The following ZC3H12C variants were observed in gnomAD, a reference collection of about 807,000 sequenced individuals.
The protein encoded by ZC3H12C is probable ribonuclease ZC3H12C.
A neutral mutation model predicts 76.3 loss-of-function variants in ZC3H12C; 20 were observed. That is an observed-to-expected ratio of 0.26 (90% CI 0.18 to 0.38). The LOEUF (loss-of-function observed/expected upper bound fraction) is 0.38. ZC3H12C is among the 10% of genes least tolerant of loss of function. The pLI is 1.00. For missense variants in ZC3H12C, 874 were observed against 1,086.5 expected, an observed-to-expected ratio of 0.80 and a Z score of 2.75; for synonymous variants, 352 against 399.6, an observed-to-expected ratio of 0.88 and a Z score of 1.42.
intron 1 of ZC3H12C, among the ~76,000 whole-genome samples, chr11:110,105,852 T>C (rs1861313881): frequency 6.6e-6 from 1 of 152,228 alleles, no homozygotes; most frequent in Admixed American, 6.5e-5. Flanking sequence ...ATGATATTTA[T>C]TAAAATGTCA....
At chr11:110,133,962 A>T (rs17110811) in intron 1 of ZC3H12C, among the ~76,000 whole-genome samples, 2,833 of 152,242 alleles carry the variant, frequency 0.019, 50 homozygotes, top group East Asian at 0.1. Context: ...CACTAGTTGT[A>T]TTTTTCATAA....
chr11:110,137,429 C>T lies in ZC3H12C; in HGVS notation c.773+15C>T, dbSNP rs773378925. 5.8e-6 allele frequency: 9 copies of T among 1,563,466 alleles called. No homozygotes were observed. Among genetic ancestry groups the T allele is most frequent in the Non-Finnish European group, 6.9e-6 (8 of 1,159,808 alleles). ...GTGGCAATGAGGTAAGTGGAAAAATCGTTACTGAAAATTACTACCAAATAA... is the reference window on the plus strand; with the variant it reads ...GTGGCAATGAGGTAAGTGGAAAAATTGTTACTGAAAATTACTACCAAATAA... On this transcript the variant is annotated intron_variant, in intron 2 of 5. Transcript: ENST00000278590.
chr11:110,107,769 G>T (rs769654976), intron 1 of ZC3H12C, among the ~76,000 whole-genome samples: 4 of 151,988 alleles, frequency 2.6e-5, no homozygotes, highest in Non-Finnish European at 4.4e-5. Context: ...CAAGTGATCC[G>T]CCCACCTTGG....
intron 3 of ZC3H12C, among the ~76,000 whole-genome samples, chr11:110,157,818 A>C (rs1401045918): frequency 6.6e-6 from 1 of 152,008 alleles, no homozygotes; most frequent in Non-Finnish European, 1.5e-5. Context: ...GGCAGTTACA[A>C]CCCTTGCTTA....
At chr11:110,105,740 T>G (rs552888287) in intron 1 of ZC3H12C, among the ~76,000 whole-genome samples, 1 of 152,306 alleles carries the variant, frequency 6.6e-6, no homozygotes, top group South Asian at 2.1e-4. Flanking sequence ...TGCTTTTCAT[T>G]CAGTATATCA....
At position 110,164,217 on chromosome 11, in the gene ZC3H12C, G is replaced by C; in HGVS notation, c.1256-124G>C. On this transcript the variant is annotated intron_variant, in intron 5 of 5. Coordinates refer to ENST00000278590, the MANE Select transcript of ZC3H12C (RefSeq NM_033390.2). The surrounding 1 kb of genome is among the most constrained non-coding windows in gnomAD (Gnocchi z 5.7). ...ACGTTTCTCAAGAGTAAAGAACAGA[G>C]TGACACTTAGCACAGCTCCCATTTC... is the stretch of plus-strand genomic sequence containing the variant. 4.8e-6 allele frequency: 4 copies of C among 842,102 alleles called. No individual in the cohort carries two copies. The highest frequency in any genetic ancestry group is 7.2e-6 in the Non-Finnish European group (4 of 558,876). The allele number at this position is 842,102 out of a possible 1,614,324, so 52.2% of individuals were successfully genotyped here. A position where few individuals can be genotyped will look rare whatever the true frequency, so the allele number is the denominator to read the frequency against.
chr11:110,118,742 A>C (rs1026810517), intron 1 of ZC3H12C, among the ~76,000 whole-genome samples: 3 of 152,206 alleles, frequency 2.0e-5, no homozygotes, highest in African/African-American at 7.2e-5. Context: ...GTTTGCAGTG[A>C]GCCAGGATGG....
rs1382166970 is a variant in ZC3H12C, at chr11:110,159,688, G to T, written c.1148+198G>T. 7.9e-5 allele frequency among the ~76,000 whole-genome samples: 12 copies of T among 152,284 alleles called. No individual in the cohort carries two copies. In the South Asian group the frequency reaches 1.9e-3, roughly 24 times the overall value. On this transcript the variant is annotated intron_variant, in intron 4 of 5. Coordinates refer to ENST00000278590, the MANE Select transcript of ZC3H12C (RefSeq NM_033390.2). The stretch of plus-strand genomic sequence containing the variant: ...AGAGGAGGCCCGGTGTGAGTGGCAG[G>T]CCCCACCTTTCCCTGTAAGTCACTC...
intron 1 of ZC3H12C, among the ~76,000 whole-genome samples, chr11:110,122,184 G>C (rs1371715502): frequency 6.6e-6 from 1 of 152,194 alleles, no homozygotes; most frequent in Non-Finnish European, 1.5e-5. Context: ...GGATGTCAGA[G>C]AGCGTGGCAT....
intron 4 of ZC3H12C, 84 bp downstream of exon 4, chr11:110,159,574 T>C (rs1261007288): frequency 2.5e-6 from 3 of 1,200,870 alleles, no homozygotes; most frequent in Non-Finnish European, 3.5e-6. Context: ...ATTCTCTTTT[T>C]GCCACTGTCC....
intron 1 of ZC3H12C, among the ~76,000 whole-genome samples, chr11:110,116,017 C>T (rs144416131): frequency 5.9e-4 from 90 of 152,226 alleles, no homozygotes; most frequent in African/African-American, 2.0e-3. Context: ...GCCTCAGCCT[C>T]CCAAAGTGCT....
intron 2 of ZC3H12C, among the ~76,000 whole-genome samples, chr11:110,139,745 C>G (rs186333821): frequency 6.6e-6 from 1 of 152,268 alleles, no homozygotes; most frequent in East Asian, 1.9e-4. Context: ...TACCTACAAC[C>G]ATGCCTGTAT....
In ZC3H12C at chr11:110,163,313, A is replaced by C; in HGVS notation, c.1189A>C (p.Ser397Arg). The change falls in exon 5 of 6, where the codon AGT becomes CGT. Residue 397 changes from serine to arginine, a missense_variant. Physicochemically the swap from Ser to Arg is moderately radical, Grantham distance 110. This residue lies in a region of ZC3H12C where 269 missense variants were observed against 424.9 expected (regional missense o/e 0.63). Transcript: ENST00000278590. ...TGACCCTCTTGGCAGACATGGCCCCAGTCTGGATAATTTTCTGAGGAAGAA... is the reference window on the plus strand; with the variant it reads ...TGACCCTCTTGGCAGACATGGCCCCCGTCTGGATAATTTTCTGAGGAAGAA... ...PDDPLGRHGPSLDNFLRKKPI... is the reference protein window; with the variant it reads ...PDDPLGRHGPRLDNFLRKKPI... 6.2e-7 allele frequency: 1 copy of C among 1,613,222 alleles called. No individual in the cohort carries two copies. The highest frequency in any genetic ancestry group is 8.5e-7 in the Non-Finnish European group (1 of 1,179,642).
chr11:110,157,347 C>A (rs1424530300), intron 3 of ZC3H12C, among the ~76,000 whole-genome samples: 1 of 151,678 alleles, frequency 6.6e-6, no homozygotes, highest in Non-Finnish European at 1.5e-5. Context: ...CATGAAGAAA[C>A]AGACTCAACA....
intron 1 of ZC3H12C, among the ~76,000 whole-genome samples, chr11:110,095,111 A>G (rs1861089953): frequency 6.6e-6 from 1 of 152,198 alleles, no homozygotes; most frequent in Non-Finnish European, 1.5e-5. Flanking sequence ...GAATGTTTCT[A>G]TACTGATGAG....
intron 1 of ZC3H12C, among the ~76,000 whole-genome samples, chr11:110,111,175 G>A (rs1861420878): frequency 6.6e-6 from 1 of 152,130 alleles, no homozygotes; most frequent in Non-Finnish European, 1.5e-5. Flanking sequence ...GCTGAGTCTT[G>A]GGCCTGAGCA....
intron 1 of ZC3H12C, among the ~76,000 whole-genome samples, chr11:110,118,371 C>G (rs1001914580): frequency 6.6e-6 from 1 of 151,946 alleles, no homozygotes; most frequent in Non-Finnish European, 1.5e-5. Context: ...ATCTTTTTCA[C>G]TGAAGTTTTG....
At chr11:110,095,618 C>T (rs2134138511) in intron 1 of ZC3H12C, among the ~76,000 whole-genome samples, 1 of 152,254 alleles carries the variant, frequency 6.6e-6, no homozygotes, top group East Asian at 1.9e-4. Context: ...GTGTAAGGCC[C>T]CCGACCTCTA....
At chr11:110,123,166 C>A (rs1469944451) in intron 1 of ZC3H12C, among the ~76,000 whole-genome samples, 1 of 152,118 alleles carries the variant, frequency 6.6e-6, no homozygotes, top group African/African-American at 2.4e-5. Flanking sequence ...GGGGGACTAC[C>A]GAATGTCCTC....
Sources: allele counts gnomAD v4.1 joint callset (sites outside exome capture counted in the v4.1 genomes callset), GRCh38; gene constraint gnomAD v4.1.1; regional missense constraint gnomAD v4.1.1; non-coding constraint Gnocchi (gnomAD v3.1); transcripts MANE v1.5; gene names NCBI Gene and HGNC (gene_info 2026-07-23, HGNC 2026-07-21).